Variants in NRG3 observed in about 807,000 individuals in gnomAD.
NRG3 encodes the protein neuregulin 3.
Under a neutral mutation model 66.9 loss-of-function variants are expected in NRG3, and 31 were observed. The ratio of observed to expected loss-of-function variants is 0.46; its 90% confidence interval spans 0.35 to 0.63. The LOEUF is 0.63. Ranked by LOEUF, NRG3 falls within the 20% of genes least tolerant of loss-of-function variation. The pLI, the probability that NRG3 is intolerant of heterozygous loss-of-function variation, is 0.00. For missense variants in NRG3, 910 were observed against 878.9 expected, an observed-to-expected ratio of 1.04 and a Z score of -0.45; for synonymous variants, 393 against 359.4, an observed-to-expected ratio of 1.09 and a Z score of -1.06.
At chr10:82,762,055 T>A (rs2059349821) in intron 3 of NRG3, among the ~76,000 whole-genome samples, 1 of 151,524 alleles carries the variant, frequency 6.6e-6, no homozygotes, top group Non-Finnish European at 1.5e-5. Flanking sequence ...TTTCTCTCTT[T>A]CTTTCTTTCT....
chr10:82,320,116 T>C (rs929791275), intron 1 of NRG3, among the ~76,000 whole-genome samples: 3 of 152,218 alleles, frequency 2.0e-5, no homozygotes, highest in African/African-American at 7.2e-5. Context: ...TACCTGTCAA[T>C]AAATTCTAAC....
intron 1 of NRG3, among the ~76,000 whole-genome samples, chr10:82,304,463 T>A (rs1480374466): frequency 6.6e-6 from 1 of 152,230 alleles, no homozygotes; most frequent in African/African-American, 2.4e-5. Context: ...CTTGCAGGGT[T>A]CTTTTTCCAC....
At chr10:82,104,734 T>C (rs1336590652) in intron 1 of NRG3, among the ~76,000 whole-genome samples, 1 of 152,080 alleles carries the variant, frequency 6.6e-6, no homozygotes, top group Non-Finnish European at 1.5e-5. Context: ...ATTTAAAAAA[T>C]ATGTGTATCA....
At chr10:82,814,572 C>T (rs1251698096) in intron 3 of NRG3, among the ~76,000 whole-genome samples, 2 of 152,120 alleles carry the variant, frequency 1.3e-5, no homozygotes, top group African/African-American at 4.8e-5. Context: ...CCCATGATGC[C>T]TCTATAGTAG....
At chr10:82,391,528 G>A (rs1037332592) in intron 2 of NRG3, among the ~76,000 whole-genome samples, 3 of 152,124 alleles carry the variant, frequency 2.0e-5, no homozygotes, top group Non-Finnish European at 4.4e-5. Context: ...ACATAAGTGG[G>A]AGTGATATAT....
At chr10:82,475,993 A>G (rs1430083179) in intron 2 of NRG3, among the ~76,000 whole-genome samples, 1 of 152,200 alleles carries the variant, frequency 6.6e-6, no homozygotes, top group Non-Finnish European at 1.5e-5. Flanking sequence ...CTTGACAATT[A>G]AAAAACAACT....
chr10:82,444,498 A>T (rs1274816067), intron 2 of NRG3, among the ~76,000 whole-genome samples: 2 of 152,222 alleles, frequency 1.3e-5, no homozygotes, highest in African/African-American at 4.8e-5. Flanking sequence ...ATTGATAAAT[A>T]AATAATATAT....
chr10:82,510,948 T>C (rs1465021635), intron 2 of NRG3, among the ~76,000 whole-genome samples: 1 of 152,146 alleles, frequency 6.6e-6, no homozygotes, highest in Non-Finnish European at 1.5e-5. Flanking sequence ...CCAGGACACA[T>C]AGAAAAGAAA....
intron 1 of NRG3, among the ~76,000 whole-genome samples, chr10:82,184,464 T>G (rs970318255): frequency 6.6e-6 from 1 of 152,130 alleles, no homozygotes; most frequent in Non-Finnish European, 1.5e-5. Context: ...TCTGCCCTGA[T>G]AGAGAAATGC....
intron 1 of NRG3, among the ~76,000 whole-genome samples, chr10:81,906,513 G>A (rs1333909401): frequency 6.6e-6 from 1 of 152,218 alleles, no homozygotes; most frequent in Admixed American, 6.5e-5. Flanking sequence ...ACGGGGAAGA[G>A]CATGGGCAGT....
chr10:82,439,720 T>C (rs1310783307), intron 2 of NRG3, among the ~76,000 whole-genome samples: 18 of 152,034 alleles, frequency 1.2e-4, no homozygotes, highest in Non-Finnish European at 1.5e-5. Context: ...TAATTAGTTA[T>C]ATATTTAATG....
intron 2 of NRG3, among the ~76,000 whole-genome samples, chr10:82,569,764 T>A (rs2045617420): frequency 6.6e-6 from 1 of 151,658 alleles, no homozygotes; most frequent in South Asian, 2.1e-4. Context: ...TAAATTCCCA[T>A]CTATGTACAA....
At chr10:82,964,346 T>C (rs1041308911) in intron 6 of NRG3, among the ~76,000 whole-genome samples, 1 of 152,148 alleles carries the variant, frequency 6.6e-6, no homozygotes, top group Non-Finnish European at 1.5e-5. Flanking sequence ...GGAGTTCATA[T>C]CAGACCAAGA....
intron 2 of NRG3, among the ~76,000 whole-genome samples, chr10:82,511,325 A>T (rs1021540908): frequency 6.6e-6 from 1 of 152,208 alleles, no homozygotes; most frequent in Non-Finnish European, 1.5e-5. Flanking sequence ...TTTGTGCACG[A>T]TTCTCTGCAG....
intron 3 of NRG3, among the ~76,000 whole-genome samples, chr10:82,784,893 G>A (rs1336642598): frequency 6.6e-6 from 1 of 152,102 alleles, no homozygotes; most frequent in East Asian, 1.9e-4. Context: ...CTGCTATAAA[G>A]ACACATGCAC....
intron 3 of NRG3, among the ~76,000 whole-genome samples, chr10:82,864,461 G>T (rs978504050): frequency 1.3e-4 from 20 of 152,094 alleles, no homozygotes; most frequent in African/African-American, 4.8e-4. Context: ...TCAGCAATTA[G>T]TCTTGGAAAC....
chr10:82,779,185 T>A (rs1386290432), intron 3 of NRG3, among the ~76,000 whole-genome samples: 1 of 152,158 alleles, frequency 6.6e-6, no homozygotes, highest in East Asian at 1.9e-4. Context: ...GGAAACACCC[T>A]AAGCTGGGCT....
chr10:81,905,737 C>T (rs1844539442), intron 1 of NRG3, among the ~76,000 whole-genome samples: 1 of 152,168 alleles, frequency 6.6e-6, no homozygotes, highest in African/African-American at 2.4e-5. Flanking sequence ...GTGTTTTCTT[C>T]ATGTCCTTTG....
At chr10:82,491,918 T>C (rs1288323518) in intron 2 of NRG3, among the ~76,000 whole-genome samples, 1 of 152,226 alleles carries the variant, frequency 6.6e-6, no homozygotes, top group African/African-American at 2.4e-5. Flanking sequence ...TTAAAATCTT[T>C]GGAATAACAG....
Sources: gnomAD v4.1 joint callset for allele counts (sites outside exome capture counted in the v4.1 genomes callset) on GRCh38, gnomAD v4.1.1 for gene constraint, MANE v1.5 for transcripts, NCBI Gene and HGNC (gene_info 2026-07-23, HGNC 2026-07-21) for gene names.